Variants in RAP2C observed in about 807,000 individuals in gnomAD.
The protein encoded by RAP2C is RAP2C, member of RAS oncogene family, also known as ras-related protein Rap-2c.
A neutral mutation model predicts 8.9 loss-of-function variants in RAP2C; 3 were observed. The observed-to-expected ratio is 0.34, with a 90% confidence interval of 0.15 to 0.87. RAP2C has a LOEUF of 0.87. Ranked by LOEUF, RAP2C falls within the 40% of genes least tolerant of loss-of-function variation. RAP2C has a pLI of 0.51. For missense variants in RAP2C, 76 were observed against 133.7 expected (o/e 0.57, Z 2.13); for synonymous variants, 60 against 52.1 (o/e 1.15, Z -0.65).
Position 132,217,598 on chromosome X carries a change from G to A in RAP2C, c.-330C>T, listed in dbSNP as rs1930660368. On this transcript the variant is annotated 5_prime_UTR_variant, in exon 4 of 6. Transcript: ENST00000370874. The stretch of plus-strand genomic sequence containing the variant: ...CCCCGGGAGGGAAAGGGTGGGGGCT[G>A]CGGCGAGGGGACCCTGCGGCGAGGC... 5.5e-6 allele frequency: 1 copy of A among 182,780 alleles called. No homozygotes were observed. Among genetic ancestry groups the A allele is most frequent in the African/African-American group, 3.0e-5 (1 of 33,752 alleles). 15.1% of individuals were successfully genotyped at this position (182,780 alleles called of 1,213,427 possible). A position where few individuals can be genotyped will look rare whatever the true frequency, so the allele number is the denominator to read the frequency against.
chrX:132,208,053 A>T (rs1204375633), intron 5 of RAP2C, among the ~76,000 whole-genome samples: 1 of 111,499 alleles, frequency 9.0e-6, no homozygotes, highest in Non-Finnish European at 1.9e-5. Context: ...TTTGCTCAGG[A>T]AATTATGAAA....
intron 1 of RAP2C, 113 bp downstream of exon 1, chrX:132,219,257 C>G (rs1258293494): frequency 1.8e-5 from 2 of 112,100 alleles, no homozygotes; most frequent in African/African-American, 6.5e-5. Context: ...AATGGCCAAA[C>G]TCTATAAAGA....
rs1930673242 is a variant in RAP2C, at chrX:132,217,768, CGG to C, written c.-502_-501del. 2 of 113,741 alleles carry C rather than the reference CGG, an allele frequency of 1.8e-5. No homozygotes were observed. The highest frequency in any genetic ancestry group is 3.7e-5 in the Non-Finnish European group (2 of 53,715). The allele number at this position is 113,741 out of a possible 1,213,427, so 9.4% of individuals were successfully genotyped here. ...TCCGTTCCAGTTACCGCTGCCCGGG[CGG>C]GTTTCTGGGCCCCGGCTCCCGCGGG... On this transcript the variant is annotated 5_prime_UTR_variant, in exon 4 of 6. Transcript: ENST00000370874.
chrX:132,208,015 C>CA (rs1556040604), intron 5 of RAP2C, among the ~76,000 whole-genome samples: 59 of 108,046 alleles, frequency 5.5e-4, no homozygotes, highest in Admixed American at 1.4e-3. Context: ...AAAAAAAAAA[C>CA]CACACACACA....
chrX:132,217,373 G>A lies in RAP2C; in HGVS notation c.-105C>T. 1.3e-6 allele frequency: 1 copy of A among 784,205 alleles called. No homozygotes were observed. Among genetic ancestry groups the A allele is most frequent in the East Asian group, 3.6e-5 (1 of 27,458 alleles). 64.6% of individuals were successfully genotyped at this position (784,205 alleles called of 1,213,427 possible). On this transcript the variant is annotated 5_prime_UTR_variant, in exon 4 of 6. Transcript: ENST00000370874. ...GGTGGGCGGAAATCTGCGAACTGGG[G>A]AGGAGAGTGCAGAGGAGCAGAGGGC...
intron 4 of RAP2C, among the ~76,000 whole-genome samples, chrX:132,215,306 C>T (rs931952164): frequency 1.1e-4 from 12 of 110,955 alleles, no homozygotes; most frequent in South Asian, 3.8e-4. Flanking sequence ...TCACCATTTT[C>T]GGTAATATTT....
rs961540223 is a variant in RAP2C at position 132,204,541 on chromosome X, C to T, written c.*1081G>A. The T allele has an allele frequency of 8.9e-6, 1 of 112,162 alleles. No homozygotes were observed. The highest frequency in any genetic ancestry group is 1.9e-5 in the Non-Finnish European group (1 of 53,120). The allele number at this position is 112,162 out of a possible 1,213,427, so 9.2% of individuals were successfully genotyped here. On this transcript the variant is annotated 3_prime_UTR_variant, in exon 6 of 6. Coordinates refer to ENST00000370874, the MANE Select transcript of RAP2C (RefSeq NM_001271186.2). ...TGTTACACAGATTTTGTCTCTAATA[C>T]GAACATGCTTCTTGAGAAATAACTA... is the stretch of plus-strand genomic sequence containing the variant.
At chrX:132,211,603 C>A (rs1930431486) in intron 5 of RAP2C, among the ~76,000 whole-genome samples, 1 of 111,594 alleles carries the variant, frequency 9.0e-6, no homozygotes, top group Admixed American at 9.5e-5. Flanking sequence ...GGAAACAATC[C>A]TGGGAGCCAC....
rs192189845 is a variant in RAP2C at position 132,203,415 on chromosome X, C to A, written c.*2207G>T. 1.6e-3 allele frequency: 171 copies of A among 109,531 alleles called. 2 individuals are homozygous for A. The highest frequency in any genetic ancestry group is 3.2e-4 in the Non-Finnish European group (17 of 52,432). The allele number at this position is 109,531 out of a possible 1,213,427, so 9.0% of individuals were successfully genotyped here. A position where few individuals can be genotyped will look rare whatever the true frequency, so the allele number is the denominator to read the frequency against. ...TCTTAAAATGTGCTGGAGAAACCAC[C>A]TTTAAAATCACTTTCCCCTGATTCC... On this transcript the variant is annotated 3_prime_UTR_variant, in exon 6 of 6. Transcript: ENST00000370874.
At chrX:132,205,773 T>C (rs979939806) in intron 5 of RAP2C, among the ~76,000 whole-genome samples, 186 bp from the exon 6 acceptor site, 1 of 110,903 alleles carries the variant, frequency 9.0e-6, no homozygotes, top group African/African-American at 3.3e-5. Context: ...AAGTGATGCA[T>C]TGGATATAAT....
At chrX:132,213,197 G>A (rs1930478524) in intron 5 of RAP2C, among the ~76,000 whole-genome samples, 1 of 111,481 alleles carries the variant, frequency 9.0e-6, no homozygotes, top group Non-Finnish European at 1.9e-5. Context: ...GGCATTTGCT[G>A]CGGTTTCTCA....
At position 132,204,953 on chromosome X, in the gene RAP2C, A is replaced by G. The variant is rs938104741; in HGVS notation, c.*669T>C. The G allele has an allele frequency of 7.7e-5, 8 of 104,113 alleles. No individual in the cohort carries two copies. Among genetic ancestry groups the G allele is most frequent in the Non-Finnish European group, 1.4e-4 (7 of 50,803 alleles). 8.6% of individuals were successfully genotyped at this position (104,113 alleles called of 1,213,427 possible). ...GCTCTACAGTCAATTTCAAATATCA[A>G]TTGTAACCTTCAGAACATGTTAATT... On this transcript the variant is annotated 3_prime_UTR_variant, in exon 6 of 6. Coordinates refer to ENST00000370874, the MANE Select transcript of RAP2C (RefSeq NM_001271186.2).
chrX:132,217,249 A>G lies in RAP2C; in HGVS notation c.20T>C (p.Val7Ala). The change falls in exon 4 of 6, where the codon GTG (valine) becomes GCG (alanine). Residue 7 changes from valine to alanine, a missense_variant. Physicochemically the swap from Val to Ala is moderately conservative, Grantham distance 64. Transcript: ENST00000370874. ...GCCAACCCCTCCACTCCCTAACACC[A>G]CTACCTTGTATTCCCTCATGAGTCT... The part of the protein sequence containing the change: MREYKV[V>A]VLGSGGVGKS... 8.9e-7 allele frequency: 1 copy of G among 1,129,237 alleles called. No individual in the cohort carries two copies. The highest frequency in any genetic ancestry group is 1.2e-6 in the Non-Finnish European group (1 of 852,863). The allele number at this position is 1,129,237 out of a possible 1,213,427, so 93.1% of individuals were successfully genotyped here.
At position 132,218,871 on chromosome X, in the gene RAP2C, C is replaced by T. The variant is rs766633643; in HGVS notation, c.-746+499G>A. On this transcript the variant is annotated intron_variant, in intron 1 of 5. Coordinates refer to ENST00000370874, the MANE Select transcript of RAP2C (RefSeq NM_001271186.2). ...TATTCAAGAAAGATTTGATTGGAAACGGTTTAGGCCTAAAGACTAATTTAT... is the reference window on the plus strand; with the variant it reads ...TATTCAAGAAAGATTTGATTGGAAATGGTTTAGGCCTAAAGACTAATTTAT... 10 of 112,319 alleles carry T rather than the reference C, an allele frequency of 8.9e-5. 1 individual carries two copies. The highest frequency in any genetic ancestry group is 4.7e-4 in the Admixed American group (5 of 10,654). 9.3% of individuals were successfully genotyped at this position (112,319 alleles called of 1,213,427 possible). A position where few individuals can be genotyped will look rare whatever the true frequency, so the allele number is the denominator to read the frequency against.
chrX:132,210,889 G>A (rs1261078216), intron 5 of RAP2C, among the ~76,000 whole-genome samples: 2 of 111,376 alleles, frequency 1.8e-5, no homozygotes, highest in Non-Finnish European at 3.8e-5. Context: ...GAATATTTTA[G>A]GATATGATTA....
chrX:132,216,083 G>A (rs1180526909), intron 4 of RAP2C, among the ~76,000 whole-genome samples: 1 of 112,064 alleles, frequency 8.9e-6, no homozygotes, highest in Admixed American at 9.4e-5. Context: ...ATCAATGGAG[G>A]TCAATATAAT....
intron 5 of RAP2C, among the ~76,000 whole-genome samples, chrX:132,206,061 T>C (rs1360246903): frequency 9.0e-6 from 1 of 110,984 alleles, no homozygotes; most frequent in Admixed American, 9.6e-5. Context: ...TTTTGAGAGA[T>C]TAAAATAAGA....
chrX:132,203,506 TGAGAGAGA>T lies in RAP2C; in HGVS notation c.*2108_*2115del, dbSNP rs10617253. ...TCAATGACAATGAACACTGTAATTTTGAGAGAGAGAGAGAGAGAGAGAGAGAGAGAGAG... is the reference window on the plus strand; with the variant it reads ...TCAATGACAATGAACACTGTAATTTTGAGAGAGAGAGAGAGAGAGAGAGAG... On this transcript the variant is annotated 3_prime_UTR_variant, in exon 6 of 6. Coordinates refer to ENST00000370874, the MANE Select transcript of RAP2C (RefSeq NM_001271186.2). 3,551 of 60,220 alleles carry T rather than the reference TGAGAGAGA, an allele frequency of 0.059. 123 individuals carry two copies. Among genetic ancestry groups the T allele is most frequent in the East Asian group, 0.16 (285 of 1,782 alleles). 5.0% of individuals were successfully genotyped at this position (60,220 alleles called of 1,213,427 possible).
At chrX:132,215,435 ATATAGT>A (rs1930551252) in intron 4 of RAP2C, among the ~76,000 whole-genome samples, 1 of 112,015 alleles carries the variant, frequency 8.9e-6, no homozygotes, top group East Asian at 2.8e-4. Context: ...ATCTATAAAA[ATATAGT>A]TATTTGATAT....
Sources: gnomAD v4.1 joint callset for allele counts (sites outside exome capture counted in the v4.1 genomes callset) on GRCh38, gnomAD v4.1.1 for gene constraint, MANE v1.5 for transcripts, NCBI Gene and HGNC (gene_info 2026-07-23, HGNC 2026-07-21) for gene names.